MYRIP: variants seen among roughly 807,000 people sequenced by gnomAD.
MYRIP encodes the protein myosin VIIA and Rab interacting protein.
Under a neutral mutation model 98.0 loss-of-function variants are expected in MYRIP, and 49 were observed. That is an observed-to-expected ratio of 0.50 (90% CI 0.40 to 0.63). The LOEUF is 0.63. Among genes scored for constraint, MYRIP ranks in the 30% least tolerant of loss-of-function variants. The pLI is 0.00. For synonymous variants in MYRIP, 404 were observed against 409.5 expected, an observed-to-expected ratio of 0.99 and a Z score of 0.16; for missense variants, 1,004 against 1,058.2, an observed-to-expected ratio of 0.95 and a Z score of 0.71.
intron 1 of MYRIP, among the ~76,000 whole-genome samples, chr3:39,891,136 G>C (rs1156768740): frequency 6.6e-6 from 1 of 151,898 alleles, no homozygotes; most frequent in Non-Finnish European, 1.5e-5. Context: ...TTCAATATAA[G>C]GGAGAAATAC....
At chr3:40,047,480 T>C (rs943626582) in intron 3 of MYRIP, among the ~76,000 whole-genome samples, 1 of 152,192 alleles carries the variant, frequency 6.6e-6, no homozygotes, top group Non-Finnish European at 1.5e-5. Context: ...CCACATTCAA[T>C]GTGTCTAGCT....
At chr3:39,962,768 G>A (rs1004464873) in intron 2 of MYRIP, among the ~76,000 whole-genome samples, 2 of 152,064 alleles carry the variant, frequency 1.3e-5, no homozygotes, top group Non-Finnish European at 2.9e-5. Flanking sequence ...AAGTTACTGA[G>A]TGTGGGCTGT....
chr3:40,207,336 G>T (rs1034377570), intron 10 of MYRIP, among the ~76,000 whole-genome samples: 1 of 152,110 alleles, frequency 6.6e-6, no homozygotes, highest in African/African-American at 2.4e-5. Context: ...CTGCTCAGAG[G>T]TCATTCTTCC....
chr3:40,112,529 C>A (rs183965804), intron 3 of MYRIP, among the ~76,000 whole-genome samples: 5 of 152,290 alleles, frequency 3.3e-5, no homozygotes, highest in Non-Finnish European at 5.9e-5. Flanking sequence ...CCATTACCAG[C>A]CAGCTGCATT....
intron 13 of MYRIP, among the ~76,000 whole-genome samples, chr3:40,246,997 C>A (rs554915162): frequency 6.6e-6 from 1 of 152,076 alleles, no homozygotes; most frequent in Non-Finnish European, 1.5e-5. Flanking sequence ...TAAATTTCAC[C>A]CAAGACTTAA....
At chr3:40,086,455 G>A (rs367572707) in intron 3 of MYRIP, among the ~76,000 whole-genome samples, 13 of 152,290 alleles carry the variant, frequency 8.5e-5, no homozygotes, top group African/African-American at 3.1e-4. Context: ...CTTCGGGCAG[G>A]CTCCTCCAAC....
chr3:40,102,259 C>T (rs1218980116), intron 3 of MYRIP, among the ~76,000 whole-genome samples: 1 of 152,172 alleles, frequency 6.6e-6, no homozygotes, highest in African/African-American at 2.4e-5. Context: ...TGGGTAAGCA[C>T]AGTATAAAAG....
chr3:39,867,215 C>G (rs376417100), intron 1 of MYRIP, among the ~76,000 whole-genome samples: 9 of 152,164 alleles, frequency 5.9e-5, no homozygotes, highest in African/African-American at 1.9e-4. Context: ...GACTTGAAAC[C>G]ATAAAACTCC....
chr3:40,232,596 ACTT>A (rs1221965664), intron 11 of MYRIP, among the ~76,000 whole-genome samples: 1 of 152,240 alleles, frequency 6.6e-6, no homozygotes, highest in Non-Finnish European at 1.5e-5. Flanking sequence ...GCAGTATTCA[ACTT>A]CTAATTTACA....
intron 2 of MYRIP, among the ~76,000 whole-genome samples, chr3:39,909,491 C>T (rs556295219): frequency 6.6e-6 from 1 of 152,170 alleles, no homozygotes; most frequent in South Asian, 2.1e-4. Flanking sequence ...TGAGCTAAAT[C>T]CTATATGAAT....
chr3:39,884,101 C>T (rs1332616174), intron 1 of MYRIP, among the ~76,000 whole-genome samples: 1 of 152,030 alleles, frequency 6.6e-6, no homozygotes, highest in African/African-American at 2.4e-5. Flanking sequence ...GAACAAAAGG[C>T]AGACAATGGA....
chr3:40,164,876 T>G (rs1025603364), intron 5 of MYRIP, among the ~76,000 whole-genome samples: 1 of 152,196 alleles, frequency 6.6e-6, no homozygotes, highest in Non-Finnish European at 1.5e-5. Context: ...ATCACACAGA[T>G]AGTTATGCAT....
chr3:40,128,258 C>G (rs918383429), intron 3 of MYRIP, among the ~76,000 whole-genome samples: 1 of 152,114 alleles, frequency 6.6e-6, no homozygotes, highest in African/African-American at 2.4e-5. Flanking sequence ...GACTTATGTA[C>G]AGAAACAGTC....
chr3:39,940,614 ATTATT>A (rs2125708668), intron 2 of MYRIP, among the ~76,000 whole-genome samples: 1 of 152,258 alleles, frequency 6.6e-6, no homozygotes, highest in East Asian at 1.9e-4. Flanking sequence ...ATGGAGAAAA[ATTATT>A]TTATTTTTTA....
At chr3:40,031,249 G>A (rs964752927) in intron 2 of MYRIP, among the ~76,000 whole-genome samples, 1 of 151,974 alleles carries the variant, frequency 6.6e-6, no homozygotes, top group African/African-American at 2.4e-5. Flanking sequence ...CATATATAAT[G>A]GTACTAGTCC....
At chr3:40,126,521 C>T (rs1442353156) in intron 3 of MYRIP, among the ~76,000 whole-genome samples, 1 of 152,104 alleles carries the variant, frequency 6.6e-6, no homozygotes, top group African/African-American at 2.4e-5. Flanking sequence ...GAAAAGTTAC[C>T]TTGGTGAGGC....
chr3:39,951,806 T>C (rs1440788157), intron 2 of MYRIP, among the ~76,000 whole-genome samples: 1 of 152,192 alleles, frequency 6.6e-6, no homozygotes, highest in East Asian at 1.9e-4. Context: ...TTGACTAAAA[T>C]GCTTCTCTCA....
intron 3 of MYRIP, among the ~76,000 whole-genome samples, chr3:40,132,919 C>A (rs1949678129): frequency 6.6e-6 from 1 of 152,238 alleles, no homozygotes; most frequent in Admixed American, 6.5e-5. Context: ...AGTCTTCCAG[C>A]ATATTGCCTT....
chr3:40,101,626 C>A (rs927892094), intron 3 of MYRIP, among the ~76,000 whole-genome samples: 34 of 151,846 alleles, frequency 2.2e-4, no homozygotes, highest in Non-Finnish European at 1.8e-4. Flanking sequence ...TGGAAAATAT[C>A]CTCAATTTCA....
Sources: allele counts gnomAD v4.1 joint callset (sites outside exome capture counted in the v4.1 genomes callset), GRCh38; gene constraint gnomAD v4.1.1; transcripts MANE v1.5; gene names NCBI Gene and HGNC (gene_info 2026-07-23, HGNC 2026-07-21).